The following LAMC2 variants were observed in gnomAD, a reference collection of about 807,000 sequenced individuals.
LAMC2 encodes the protein laminin subunit gamma-2.
In LAMC2, 97 loss-of-function variants were observed where a neutral mutation model predicts 140.2. The observed-to-expected ratio is 0.69, with a 90% confidence interval of 0.59 to 0.82. The LOEUF (loss-of-function observed/expected upper bound fraction) is 0.82. LAMC2 is among the 40% of genes least tolerant of loss of function. LAMC2 has a pLI of 0.00. For missense variants in LAMC2, 1,402 were observed against 1,476.1 expected (o/e 0.95, Z 0.82); for synonymous variants, 513 against 540.2 (o/e 0.95, Z 0.70).
chr1:183,186,736 A>G (rs1658167350), intron 1 of LAMC2, among the ~76,000 whole-genome samples: 1 of 152,304 alleles, frequency 6.6e-6, no homozygotes, highest in Admixed American at 6.5e-5. Flanking sequence ...TTAATCAATA[A>G]TGTGTTGTTA....
downstream of LAMC2, chr1:183,248,263 C>T (rs1449523965): frequency 1.3e-5 from 2 of 152,628 alleles, no homozygotes; most frequent in Non-Finnish European, 2.9e-5. Context: ...TATTTATTAA[C>T]ATAATTGAAA....
intron 13 of LAMC2, 80 bp from the exon 14 acceptor site, chr1:183,232,572 C>A: frequency 2.3e-6 from 3 of 1,309,448 alleles, no homozygotes; most frequent in East Asian, 2.3e-5. Flanking sequence ...TGACCATAAG[C>A]CAGTCAACCC....
chr1:183,196,976 A>C (rs916269357), intron 1 of LAMC2, among the ~76,000 whole-genome samples: 9 of 152,206 alleles, frequency 5.9e-5, no homozygotes, highest in African/African-American at 2.2e-4. Context: ...AGACCATGAT[A>C]GTCCTTGTAG....
At chr1:183,196,460 A>G (rs1004523699) in intron 1 of LAMC2, among the ~76,000 whole-genome samples, 15 of 152,330 alleles carry the variant, frequency 9.8e-5, no homozygotes, top group African/African-American at 3.6e-4. Context: ...AAAATACATT[A>G]GGATAAATTT....
chr1:183,188,361 C>T (rs1400649203), intron 1 of LAMC2, among the ~76,000 whole-genome samples: 3 of 152,202 alleles, frequency 2.0e-5, no homozygotes, highest in Non-Finnish European at 2.9e-5. Flanking sequence ...TCTGAGTGTC[C>T]TGTGGGCTGC....
In LAMC2 at chr1:183,240,382, C is replaced by A. The variant is rs377350378; in HGVS notation, c.3319C>A (p.His1107Asn). Residue 1107 changes from histidine (H) to asparagine (N), a missense_variant, in exon 22 of 23, where the codon CAT (histidine) becomes AAT (asparagine). Physicochemically the swap from His to Asn is moderately conservative, Grantham distance 68. This residue lies in a region of LAMC2 where 670 missense variants were observed against 667.2 expected (regional missense o/e 1.00). Coordinates refer to ENST00000264144, the MANE Select transcript of LAMC2 (RefSeq NM_005562.3). ...ACTCAACACATTAGACGGCCTCCTG[C>A]ATCTGATGGGTATGTGAACCCACAA... ...DTLNTLDGLL[H>N]LMDQPLSVDE... The A allele has an allele frequency of 1.2e-6, 2 of 1,614,124 alleles. No individual in the cohort carries two copies. The highest frequency in any genetic ancestry group is 1.7e-6 in the Non-Finnish European group (2 of 1,180,038).
At chr1:183,193,416 T>C (rs1020568737) in intron 1 of LAMC2, among the ~76,000 whole-genome samples, 9 of 152,220 alleles carry the variant, frequency 5.9e-5, no homozygotes, top group Non-Finnish European at 1.0e-4. Context: ...CCAGAGATTA[T>C]TTCTGTCTCC....
At position 183,228,461 on chromosome 1, in the gene LAMC2, GCAA is replaced by G; in HGVS notation, c.1563_1565del (p.Asn522del). ...GTGAGGCCTTGTCAGCCCTGTCAAT[GCAA>G]CAACAATGTGGACCCCAGTGCCTCT... On this transcript the variant is annotated inframe_deletion, in exon 11 of 23. Coordinates refer to ENST00000264144, the MANE Select transcript of LAMC2 (RefSeq NM_005562.3). The surrounding 1 kb of genome is among the most constrained non-coding windows in gnomAD (Gnocchi z 4.3). 1 of 1,613,938 alleles carries G rather than the reference GCAA, an allele frequency of 6.2e-7. No individual in the cohort carries two copies. The highest frequency in any genetic ancestry group is 8.5e-7 in the Non-Finnish European group (1 of 1,179,992).
At position 183,220,968 on chromosome 1, in the gene LAMC2, C is replaced by A. The variant is rs1477249096; in HGVS notation, c.640+7C>A. The A allele has an allele frequency of 2.5e-6, 4 of 1,613,662 alleles. No homozygotes were observed. The highest frequency in any genetic ancestry group is 1.7e-5 in the Admixed American group (1 of 60,016). The stretch of plus-strand genomic sequence containing the variant: ...ACCTCTACCTTTCATCAAGGTAAAG[C>A]CTTCTATTTTCTAGGTTTTAGTTTT... On this transcript the variant is annotated splice_region_variant and intron_variant, in intron 5 of 22. Transcript: ENST00000264144.
chr1:183,239,773 C>G, intron 20 of LAMC2: 1 of 638,262 alleles, frequency 1.6e-6, no homozygotes, highest in Non-Finnish European at 2.7e-6. Context: ...CAAATGGTTC[C>G]TAACTCTGTT....
intron 4 of LAMC2, 139 bp from the exon 5 acceptor site, chr1:183,220,686 C>A: frequency 1.2e-6 from 1 of 847,374 alleles, no homozygotes; most frequent in Non-Finnish European, 1.9e-6. Context: ...GGGTGATATG[C>A]AAAATCTGGT....
At chr1:183,233,287 A>G (rs1375979818) in intron 14 of LAMC2, among the ~76,000 whole-genome samples, 26 of 152,210 alleles carry the variant, frequency 1.7e-4, no homozygotes, top group Non-Finnish European at 2.9e-5. Context: ...GAAAGAAGGA[A>G]GAAAGGATGG....
intron 1 of LAMC2, among the ~76,000 whole-genome samples, chr1:183,191,206 G>A (rs1658320267): frequency 6.6e-6 from 1 of 151,340 alleles, no homozygotes; most frequent in Non-Finnish European, 1.5e-5. Flanking sequence ...TTTTTTTCCT[G>A]AGGGATAATT....
chr1:183,218,878 A>G (rs1198301654), intron 4 of LAMC2, among the ~76,000 whole-genome samples: 2 of 152,208 alleles, frequency 1.3e-5, no homozygotes, highest in Non-Finnish European at 2.9e-5. Context: ...CATGCTGCGA[A>G]AATTCTTGTA....
chr1:183,258,891 G>A, the LAMC2 span, among the ~76,000 whole-genome samples: 1 of 152,162 alleles, frequency 6.6e-6, no homozygotes, highest in African/African-American at 2.4e-5. Flanking sequence ...CCCAACCCAT[G>A]AAGTTTTCCT....
rs774836494 is a variant in LAMC2, at chr1:183,227,530, G to A, written c.1301G>A (p.Gly434Glu). 8 of 1,614,106 alleles carry A rather than the reference G, an allele frequency of 5.0e-6. No homozygotes were observed. The Admixed American group carries it at 1.3e-4, about 27-fold the overall frequency. The change falls in exon 10 of 23, where the codon GGG becomes GAG. Residue 434 changes from glycine to glutamate, a missense_variant. This residue lies in a region of LAMC2 where 723 missense variants were observed against 783.3 expected (regional missense o/e 0.92). Coordinates refer to ENST00000264144, the MANE Select transcript of LAMC2 (RefSeq NM_005562.3). ...CDPDTGDCYSGDENPDIECAD... is the reference protein window; with the variant it reads ...CDPDTGDCYSEDENPDIECAD... ...CTACCCCCAGGAGATTGTTATTCAGGGGATGAGAATCCTGACATTGAGTGT... is the reference window on the plus strand; with the variant it reads ...CTACCCCCAGGAGATTGTTATTCAGAGGATGAGAATCCTGACATTGAGTGT...
chr1:183,238,217 T>G, intron 18 of LAMC2, 90 bp from the exon 19 acceptor site: 1 of 929,078 alleles, frequency 1.1e-6, no homozygotes, highest in Non-Finnish European at 1.7e-6. Flanking sequence ...TGAATCACAA[T>G]GATCTGCTGT....
intron 3 of LAMC2, 112 bp downstream of exon 3, chr1:183,215,700 G>A: frequency 7.8e-7 from 1 of 1,289,300 alleles, no homozygotes; most frequent in Non-Finnish European, 1.1e-6. Context: ...ACACTGCTTT[G>A]AGAGTACATC....
chr1:183,211,895 T>A (rs1009339827), intron 2 of LAMC2, among the ~76,000 whole-genome samples: 14 of 152,334 alleles, frequency 9.2e-5, no homozygotes, highest in African/African-American at 3.1e-4. Flanking sequence ...TGAATGTGCT[T>A]ACTGGGACAC....
Sources: gnomAD v4.1 joint callset for allele counts (sites outside exome capture counted in the v4.1 genomes callset) on GRCh38, gnomAD v4.1.1 for gene constraint, gnomAD v4.1.1 regional missense constraint, Gnocchi (gnomAD v3.1) non-coding constraint, MANE v1.5 for transcripts, NCBI Gene and HGNC (gene_info 2026-07-23, HGNC 2026-07-21) for gene names.